CLTC: variants seen among roughly 807,000 people sequenced by gnomAD.
CLTC encodes the protein clathrin heavy chain, also known as clathrin heavy chain 1.
In CLTC, 16 loss-of-function variants were observed where a neutral mutation model predicts 195.8. The observed-to-expected ratio is 0.08, with a 90% CI of 0.06 to 0.12. CLTC has a LOEUF of 0.12. Ranked by LOEUF, CLTC falls within the 10% of genes least tolerant of loss-of-function variation. The probability of loss-of-function intolerance (pLI) is 1.00; values close to 1 mark genes in which losing one functional copy is unlikely to be tolerated. For synonymous variants in CLTC, 667 were observed against 689.4 expected, an observed-to-expected ratio of 0.97 and a Z score of 0.51; for missense variants, 796 against 2,027.0, an observed-to-expected ratio of 0.39 and a Z score of 11.66.
At chr17:59,632,197 T>A (rs2031740155) in intron 1 of CLTC, among the ~76,000 whole-genome samples, 1 of 151,502 alleles carries the variant, frequency 6.6e-6, no homozygotes, top group African/African-American at 2.4e-5. Context: ...TGAAACCCCG[T>A]CTCTACTAAA....
chr17:59,622,107 T>G (rs2031399340), intron 1 of CLTC, among the ~76,000 whole-genome samples: 1 of 152,238 alleles, frequency 6.6e-6, no homozygotes. Context: ...ACAAATTTAA[T>G]ACATGTCTGT....
chr17:59,690,792 A>G (rs969802421), intron 31 of CLTC, 81 bp downstream of exon 31: 1 of 1,082,692 alleles, frequency 9.2e-7, no homozygotes, highest in African/African-American at 1.6e-5. Flanking sequence ...ATAGAATACA[A>G]CAAGCTTCTA....
In CLTC at chr17:59,696,294, G is replaced by A. The variant is rs1474565584; in HGVS notation, c.*2442G>A. On this transcript the variant is annotated 3_prime_UTR_variant, in exon 32 of 32. Transcript: ENST00000269122. ...TATGCCTGTGCGAAGTGTATTAAAT[G>A]AATCAAATATTAGAAATTTCAAGGC... 1.4e-5 allele frequency: 3 copies of A among 221,840 alleles called. No homozygotes were observed. The highest frequency in any genetic ancestry group is 2.7e-5 in the Non-Finnish European group (3 of 111,018). The allele number at this position is 221,840 out of a possible 1,614,324, so 13.7% of individuals were successfully genotyped here. A position where few individuals can be genotyped will look rare whatever the true frequency, so the allele number is the denominator to read the frequency against.
rs2033172201 is a variant in CLTC, at chr17:59,685,823, A to G, written c.4827+15A>G. ...ACTTGACAAAGGTAATGACTCTTCT[A>G]AGTGTATTCAGAACTAGTTTCCTTG... is the stretch of plus-strand genomic sequence containing the variant. On this transcript the variant is annotated intron_variant, in intron 30 of 31. Coordinates refer to ENST00000269122, the MANE Select transcript of CLTC (RefSeq NM_004859.4). This position sits in a 1 kb window ranked among gnomAD's most constrained non-coding sequence, Gnocchi z 5.0. The G allele has an allele frequency of 6.3e-7, 1 of 1,577,842 alleles. No homozygotes were observed. Among genetic ancestry groups the G allele is most frequent in the Non-Finnish European group, 8.7e-7 (1 of 1,154,582 alleles).
chr17:59,681,539 T>C lies in CLTC; in HGVS notation c.3249+61T>C, dbSNP rs1215162615. On this transcript the variant is annotated intron_variant, in intron 20 of 31. Coordinates refer to ENST00000269122, the MANE Select transcript of CLTC (RefSeq NM_004859.4). The surrounding 1 kb of genome is among the most constrained non-coding windows in gnomAD (Gnocchi z 5.0). ...CACTGTGCTATGAGGGTGGGCCTAA[T>C]TGGTTGCTACGGCAATAGAGCAGCA... is the stretch of plus-strand genomic sequence containing the variant. 2.5e-6 allele frequency: 4 copies of C among 1,586,394 alleles called. No homozygotes were observed. The highest frequency in any genetic ancestry group is 3.5e-6 in the Non-Finnish European group (4 of 1,159,248).
At chr17:59,659,554 G>T (rs546301143) in intron 6 of CLTC, among the ~76,000 whole-genome samples, 1 of 150,616 alleles carries the variant, frequency 6.6e-6, no homozygotes, top group Non-Finnish European at 1.5e-5. Flanking sequence ...GGGTTCAAGC[G>T]ATTCTCCTGC....
chr17:59,686,493 C>CT lies in CLTC; in HGVS notation c.4827+686dup, dbSNP rs202034825. ...CATGATTAAAATCAGAGTCTCACAT[C>CT]TGATTCCTTCAGCCTGCCTGAGTTG... On this transcript the variant is annotated intron_variant, in intron 30 of 31. Coordinates refer to ENST00000269122, the MANE Select transcript of CLTC (RefSeq NM_004859.4). Among the ~76,000 whole-genome samples, 704 of 152,256 alleles carry CT rather than the reference C, an allele frequency of 4.6e-3. 20 individuals carry two copies. Among genetic ancestry groups the CT allele is most frequent in the Admixed American group, 0.037 (560 of 15,278 alleles).
intron 1 of CLTC, among the ~76,000 whole-genome samples, chr17:59,628,693 CTG>C (rs2031622334): frequency 6.6e-6 from 1 of 152,304 alleles, no homozygotes; most frequent in African/African-American, 2.4e-5. Context: ...GGAGTTGACT[CTG>C]TTGCCCAGGC....
chr17:59,677,908 T>C (rs546942008), intron 17 of CLTC, among the ~76,000 whole-genome samples: 1 of 152,346 alleles, frequency 6.6e-6, no homozygotes, highest in Admixed American at 6.5e-5. Flanking sequence ...ATATTCACAA[T>C]GTTATATAAT....
intron 5 of CLTC, among the ~76,000 whole-genome samples, chr17:59,654,116 C>T (rs1013636611): frequency 6.6e-6 from 1 of 152,118 alleles, no homozygotes; most frequent in African/African-American, 2.4e-5. Flanking sequence ...CCTTCTGCCT[C>T]AGCCTCCTCT....
intron 1 of CLTC, among the ~76,000 whole-genome samples, chr17:59,638,833 T>A (rs1172608273): frequency 2.0e-5 from 3 of 152,274 alleles, no homozygotes; most frequent in Non-Finnish European, 2.9e-5. Context: ...ATCCCTGCTC[T>A]AGATTATGGG....
At chr17:59,686,931 A>G (rs2033197585) in intron 30 of CLTC, 5 of 901,406 alleles carry the variant, frequency 5.5e-6, no homozygotes, top group Non-Finnish European at 6.6e-6. Flanking sequence ...TTTGTTGCTG[A>G]TTCTACCTTT....
intron 30 of CLTC, among the ~76,000 whole-genome samples, chr17:59,688,868 A>G (rs2033238508): frequency 6.6e-6 from 1 of 152,046 alleles, no homozygotes. Context: ...TTTTTCTTAG[A>G]AGTTACTAAT....
intron 5 of CLTC, among the ~76,000 whole-genome samples, chr17:59,653,406 G>C (rs183625109): frequency 1.3e-5 from 2 of 151,720 alleles, no homozygotes; most frequent in African/African-American, 2.4e-5. Flanking sequence ...TGTTAGCCAG[G>C]ATGGTCTCGA....
chr17:59,647,246 A>T, intron 2 of CLTC, 152 bp from the exon 3 acceptor site: 1 of 633,590 alleles, frequency 1.6e-6, no homozygotes, highest in Non-Finnish European at 2.7e-6. Context: ...GCTTAGTCTT[A>T]GCTGTTACCT....
At position 59,685,619 on chromosome 17, in the gene CLTC, T is replaced by G; in HGVS notation, c.4638T>G (p.Asp1546Glu). 6.2e-7 allele frequency: 1 copy of G among 1,614,154 alleles called. No homozygotes were observed. The highest frequency in any genetic ancestry group is 8.5e-7 in the Non-Finnish European group (1 of 1,179,986). The change falls in exon 30 of 32, where the codon GAT (aspartate) becomes GAG (glutamate). Residue 1546 changes from aspartate to glutamate, a missense_variant. By Grantham distance (45) the Asp-to-Glu change is conservative (BLOSUM62 2). This residue lies in a region of CLTC where 148 missense variants were observed against 279.5 expected (regional missense o/e 0.53). Transcript: ENST00000269122. This position sits in a 1 kb window ranked among gnomAD's most constrained non-coding sequence, Gnocchi z 5.0. ...DAMQYASESK[D>E]TELAEELLQW... ...TGCAGTATGCTTCTGAATCTAAAGA[T>G]ACTGAATTGGCTGAAGAACTCCTGC...
intron 14 of CLTC, among the ~76,000 whole-genome samples, chr17:59,670,241 C>A (rs2032816932): frequency 1.3e-5 from 2 of 150,834 alleles, no homozygotes; most frequent in African/African-American, 4.9e-5. Flanking sequence ...ACAAAAAAAA[C>A]TACTACTAGA....
chr17:59,662,263 T>A (rs1463899128), intron 8 of CLTC, among the ~76,000 whole-genome samples: 1 of 152,212 alleles, frequency 6.6e-6, no homozygotes, highest in Non-Finnish European at 1.5e-5. Context: ...CTTTTCTAAA[T>A]GTTAACTAGC....
intron 1 of CLTC, among the ~76,000 whole-genome samples, chr17:59,632,362 C>A (rs2031747507): frequency 1.3e-5 from 1 of 78,888 alleles, no homozygotes. Flanking sequence ...AGCAAGAATC[C>A]ATCTCAAAAA....
Sources: allele counts gnomAD v4.1 joint callset (sites outside exome capture counted in the v4.1 genomes callset), GRCh38; gene constraint gnomAD v4.1.1; regional missense constraint gnomAD v4.1.1; non-coding constraint Gnocchi (gnomAD v3.1); transcripts MANE v1.5; gene names NCBI Gene and HGNC (gene_info 2026-07-23, HGNC 2026-07-21).